ASAP1: variants seen among roughly 807,000 people sequenced by gnomAD.
The protein encoded by ASAP1 is arf-GAP with SH3 domain, ANK repeat and PH domain-containing protein 1.
In ASAP1, 43 loss-of-function variants were observed where a neutral mutation model predicts 145.2. That is an observed-to-expected ratio of 0.30 (90% CI 0.23 to 0.38). ASAP1 has a LOEUF of 0.38. ASAP1 is among the 10% of genes least tolerant of loss of function. ASAP1 has a pLI of 1.00. For synonymous variants in ASAP1, 546 were observed against 515.5 expected (o/e 1.06, Z -0.80); for missense variants, 1,018 against 1,355.3 (o/e 0.75, Z 3.91).
intron 3 of ASAP1, among the ~76,000 whole-genome samples, chr8:130,264,590 G>T (rs16904230): frequency 0.1 from 15,600 of 152,056 alleles, 932 homozygotes; most frequent in South Asian, 0.27. Flanking sequence ...AGCTTTTTTT[G>T]GAACTATAAC....
At chr8:130,282,068 C>CG (rs1586747648) in intron 3 of ASAP1, among the ~76,000 whole-genome samples, 1 of 111,440 alleles carries the variant, frequency 9.0e-6, no homozygotes, top group South Asian at 3.7e-4. Flanking sequence ...GACTCTGCCT[C>CG]GAAAAAAAAA....
chr8:130,300,155 G>A (rs2912192), intron 3 of ASAP1, among the ~76,000 whole-genome samples: 2 of 79,502 alleles, frequency 2.5e-5, no homozygotes, highest in Admixed American at 1.3e-4. Context: ...CACACACACA[G>A]AGAGAGAGAG....
At chr8:130,384,502 G>A (rs1001470995) in intron 2 of ASAP1, among the ~76,000 whole-genome samples, 1 of 152,028 alleles carries the variant, frequency 6.6e-6, no homozygotes, top group East Asian at 1.9e-4. Context: ...TTTTTCAGAC[G>A]GAGTCTCACT....
intron 3 of ASAP1, among the ~76,000 whole-genome samples, chr8:130,324,648 C>G (rs1192726204): frequency 6.6e-6 from 1 of 152,088 alleles, no homozygotes; most frequent in Non-Finnish European, 1.5e-5. Context: ...ATTTAGGAAG[C>G]ATAATTCGTA....
At chr8:130,252,499 T>A (rs1422649535) in intron 3 of ASAP1, among the ~76,000 whole-genome samples, 1 of 152,190 alleles carries the variant, frequency 6.6e-6, no homozygotes, top group Non-Finnish European at 1.5e-5. Flanking sequence ...CCCAACAATA[T>A]GTTAACTTTC....
intron 3 of ASAP1, among the ~76,000 whole-genome samples, chr8:130,312,210 G>C (rs1409509916): frequency 6.6e-6 from 1 of 151,494 alleles, no homozygotes; most frequent in Non-Finnish European, 1.5e-5. Flanking sequence ...CTGGGAGGTC[G>C]ACGCTGTAGT....
At chr8:130,261,421 C>A (rs1285233088) in intron 3 of ASAP1, among the ~76,000 whole-genome samples, 1 of 152,170 alleles carries the variant, frequency 6.6e-6, no homozygotes, top group Non-Finnish European at 1.5e-5. Flanking sequence ...CAATAAATTC[C>A]AACTCTACTT....
At chr8:130,192,912 G>A (rs774362996) in intron 5 of ASAP1, among the ~76,000 whole-genome samples, 1 of 152,074 alleles carries the variant, frequency 6.6e-6, no homozygotes, top group African/African-American at 2.4e-5. Flanking sequence ...GGAAAGTTAC[G>A]TGCCTATCAA....
At position 130,077,099 on chromosome 8, in the gene ASAP1, T is replaced by A. The variant is rs181359075; in HGVS notation, c.2643-693A>T. ...TTGGCGGCTGGCAGAAGGTCTCACG[T>A]GGGTCAGAGGTAGAAGTGGAAATTC... On this transcript the variant is annotated intron_variant, in intron 26 of 29. Transcript: ENST00000518721. Among the ~76,000 whole-genome samples the A allele has an allele frequency of 6.4e-3, 967 of 152,264 alleles. 12 individuals are homozygous for A. The highest frequency in any genetic ancestry group is 0.021 in the African/African-American group (861 of 41,548).
chr8:130,176,926 A>G lies in ASAP1; in HGVS notation c.746+2338T>C, dbSNP rs575078573. 3.9e-5 allele frequency among the ~76,000 whole-genome samples: 6 copies of G among 152,140 alleles called. 1 individual carries two copies. The highest frequency in any genetic ancestry group is 1.4e-4 in the African/African-American group (6 of 41,526). ...GCTGGTGTTGAACTCCTGTAATCTA[A>G]TAATCCACCTGCCTCAGCCTCCCAA... is the stretch of plus-strand genomic sequence containing the variant. On this transcript the variant is annotated intron_variant, in intron 9 of 29. Transcript: ENST00000518721.
intron 1 of ASAP1, among the ~76,000 whole-genome samples, chr8:130,423,966 T>A (rs1197042960): frequency 2.0e-5 from 3 of 152,138 alleles, no homozygotes; most frequent in Middle Eastern, 3.4e-3. Flanking sequence ...TGAAGGGCGG[T>A]GATGAAAATG....
chr8:130,202,873 A>G (rs1313626956), intron 5 of ASAP1, among the ~76,000 whole-genome samples: 1 of 152,204 alleles, frequency 6.6e-6, no homozygotes, highest in Non-Finnish European at 1.5e-5. Flanking sequence ...GTCAATGAAA[A>G]GATCCACTCA....
At chr8:130,245,634 C>T (rs938190981) in intron 3 of ASAP1, among the ~76,000 whole-genome samples, 9 of 152,186 alleles carry the variant, frequency 5.9e-5, no homozygotes, top group Admixed American at 1.3e-4. Flanking sequence ...TGCTCTCCTA[C>T]GTAGGCATAA....
intron 8 of ASAP1, 53 bp downstream of exon 8, chr8:130,180,698 A>C (rs1373503075): frequency 1.3e-6 from 2 of 1,575,072 alleles, no homozygotes; most frequent in African/African-American, 2.8e-5. Flanking sequence ...ACTAGCAGGA[A>C]AAGATCACAG....
At chr8:130,243,563 C>T (rs1387580545) in intron 3 of ASAP1, among the ~76,000 whole-genome samples, 3 of 152,168 alleles carry the variant, frequency 2.0e-5, no homozygotes, top group Non-Finnish European at 2.9e-5. Flanking sequence ...GCCCTCTCCC[C>T]TCTGTTCCCA....
intron 15 of ASAP1, among the ~76,000 whole-genome samples, chr8:130,133,273 G>A (rs1463099792): frequency 1.3e-5 from 2 of 152,316 alleles, no homozygotes; most frequent in East Asian, 1.9e-4. Flanking sequence ...AAAGAAGAGG[G>A]AATAAAGACA....
chr8:130,262,047 A>G (rs1201609486), intron 3 of ASAP1, among the ~76,000 whole-genome samples: 1 of 152,122 alleles, frequency 6.6e-6, no homozygotes, highest in East Asian at 1.9e-4. Flanking sequence ...AACAACCAGC[A>G]TATGAGGGAA....
At chr8:130,120,645 T>C (rs549305927) in intron 18 of ASAP1, among the ~76,000 whole-genome samples, 64 of 152,336 alleles carry the variant, frequency 4.2e-4, no homozygotes, top group African/African-American at 1.5e-3. Flanking sequence ...GGTGGCTTCC[T>C]GTCACTGGAA....
intron 5 of ASAP1, among the ~76,000 whole-genome samples, chr8:130,211,555 C>T (rs1406115826): frequency 6.6e-6 from 1 of 152,222 alleles, no homozygotes; most frequent in African/African-American, 2.4e-5. Flanking sequence ...TGATTTCTTA[C>T]ATCGAACAAA....
Sources: allele counts gnomAD v4.1 joint callset (sites outside exome capture counted in the v4.1 genomes callset), GRCh38; gene constraint gnomAD v4.1.1; transcripts MANE v1.5; gene names NCBI Gene and HGNC (gene_info 2026-07-23, HGNC 2026-07-21).